EFR3B: variants seen among roughly 807,000 people sequenced by gnomAD.
The protein encoded by EFR3B is EFR3 homolog B.
A neutral mutation model predicts 104.7 loss-of-function variants in EFR3B; 64 were observed. The ratio of observed to expected loss-of-function variants is 0.61; its 90% CI spans 0.50 to 0.75. The LOEUF (loss-of-function observed/expected upper bound fraction) is 0.75, where lower values mean the gene tolerates loss of function less well. Among genes scored for constraint, EFR3B ranks in the 30% least tolerant of loss-of-function variants. The pLI, the probability that EFR3B is intolerant of heterozygous loss-of-function variation, is 0.00. For missense variants in EFR3B, 750 were observed against 1,078.5 expected (o/e 0.70, Z 4.27); for synonymous variants, 385 against 417.9 (o/e 0.92, Z 0.96).
intron 4 of EFR3B, among the ~76,000 whole-genome samples, chr2:25,113,820 G>T (rs532779258): frequency 6.6e-6 from 1 of 152,290 alleles, no homozygotes; most frequent in Admixed American, 6.5e-5. Context: ...TGTGACAGGT[G>T]AGGCAGGTAG....
Position 25,074,521 on chromosome 2 carries a change from C to T in EFR3B, c.8-16804C>T, listed in dbSNP as rs550348783. On this transcript the variant is annotated intron_variant, in intron 1 of 22. Coordinates refer to ENST00000403714, the MANE Select transcript of EFR3B (RefSeq NM_014971.2). The stretch of plus-strand genomic sequence containing the variant: ...CAGAGGTTGCAGTGAGCCAAGTTTG[C>T]GCCACTGCACTCCAGTCTGAGTGAC... Among the ~76,000 whole-genome samples the T allele has an allele frequency of 4.0e-5, 6 of 150,438 alleles. No individual in the cohort carries two copies. In the East Asian group the frequency reaches 8.0e-4, roughly 20 times the overall value.
intron 3 of EFR3B, among the ~76,000 whole-genome samples, chr2:25,100,822 C>T (rs13421697): frequency 3.3e-3 from 504 of 152,264 alleles, no homozygotes; most frequent in African/African-American, 0.012. Context: ...TCAGGAGGTA[C>T]TTTTCTATTC....
In EFR3B at chr2:25,103,638, T is replaced by G; in HGVS notation, c.214T>G (p.Tyr72Asp). The G allele has an allele frequency of 6.5e-7, 1 of 1,549,482 alleles. No homozygotes were observed. Among genetic ancestry groups the G allele is most frequent in the Non-Finnish European group, 8.7e-7 (1 of 1,145,448 alleles). ...IRDVGRHRYG[Y>D]VCIAMEALDQ... ...GACGGCATGTGCTGCCCTCCCCAGG[T>G]ACGTGTGCATTGCTATGGAGGCTTT... The change falls in exon 4 of 23, where the codon TAC (tyrosine) becomes GAC (aspartate). Residue 72 changes from tyrosine to aspartate, a missense_variant and splice_region_variant. Coordinates refer to ENST00000403714, the MANE Select transcript of EFR3B (RefSeq NM_014971.2).
chr2:25,053,532 G>A (rs529516005), intron 1 of EFR3B, among the ~76,000 whole-genome samples: 1 of 152,320 alleles, frequency 6.6e-6, no homozygotes, highest in South Asian at 2.1e-4. Flanking sequence ...GTCAGTGCTT[G>A]GCCTGGAGAA....
chr2:25,080,654 C>CTGTATTTCCTTTCAGGCCAA (rs1481445508), intron 1 of EFR3B: 29 of 633,170 alleles, frequency 4.6e-5, no homozygotes, highest in Non-Finnish European at 6.7e-5. Flanking sequence ...ACTAGACAGT[C>CTGTATTTCCTTTCAGGCCAA]TGTATTTCCT....
In EFR3B at chr2:25,131,848, G is replaced by A. The variant is rs926688402; in HGVS notation, c.1084G>A (p.Gly362Ser). 26 of 1,549,598 alleles carry A rather than the reference G, an allele frequency of 1.7e-5. No homozygotes were observed. The highest frequency in any genetic ancestry group is 3.9e-5 in the Admixed American group (2 of 50,648). The stretch of plus-strand genomic sequence containing the variant: ...GAGCTACGACGGGGCGGTCAGCCTC[G>A]GCACCAAGATCATCAAGGAGCACGA... The part of the protein sequence containing the change: ...TGSYDGAVSL[G>S]TKIIKEHEER... Residue 362 changes from glycine (G) to serine (S), a missense_variant, in exon 10 of 23, where the codon GGC becomes AGC. Physicochemically the swap from Gly to Ser is moderately conservative, Grantham distance 56. Transcript: ENST00000403714. The surrounding 1 kb of genome is among the most constrained non-coding windows in gnomAD (Gnocchi z 7.6).
intron 3 of EFR3B, among the ~76,000 whole-genome samples, chr2:25,096,677 C>T (rs988382197): frequency 9.8e-5 from 15 of 152,310 alleles, no homozygotes; most frequent in Middle Eastern, 3.4e-3. Context: ...CTGGTGTTCT[C>T]TCTCACTTTG....
chr2:25,144,906 G>A, intron 18 of EFR3B, 54 bp from the exon 19 acceptor site: 1 of 1,511,262 alleles, frequency 6.6e-7, no homozygotes, highest in Non-Finnish European at 9.0e-7. Flanking sequence ...TAGCAGCTCA[G>A]TCCTGGATCT....
chr2:25,137,333 G>A lies in EFR3B; in HGVS notation c.1561-8G>A. 2 of 1,552,062 alleles carry A rather than the reference G, an allele frequency of 1.3e-6. No homozygotes were observed. Among genetic ancestry groups the A allele is most frequent in the South Asian group, 1.2e-5 (1 of 84,042 alleles). On this transcript the variant is annotated splice_polypyrimidine_tract_variant and splice_region_variant and intron_variant, in intron 14 of 22. Transcript: ENST00000403714. This position sits in a 1 kb window ranked among gnomAD's most constrained non-coding sequence, Gnocchi z 4.7. ...CGACCCTGGCCTTCTGCCCGCTCCT[G>A]TCCCCAGCACTCCCAGCAGCTCTAC...
At chr2:25,152,355 C>A (rs1363412019) in intron 21 of EFR3B, among the ~76,000 whole-genome samples, 1 of 152,200 alleles carries the variant, frequency 6.6e-6, no homozygotes, top group African/African-American at 2.4e-5. Context: ...TCACTGTGGT[C>A]CTGACAGCAG....
intron 3 of EFR3B, 71 bp from the exon 4 acceptor site, chr2:25,103,566 C>T (rs1669481037): frequency 2.0e-6 from 3 of 1,506,984 alleles, no homozygotes; most frequent in East Asian, 5.0e-5. Flanking sequence ...CACACTGACA[C>T]CTTGCATGCC....
chr2:25,048,382 G>A (rs1173703611), intron 1 of EFR3B, among the ~76,000 whole-genome samples: 10 of 152,088 alleles, frequency 6.6e-5, no homozygotes, highest in Admixed American at 4.6e-4. Context: ...CCACAAGTTA[G>A]TAAACTCCTT....
At chr2:25,090,009 C>T (rs1253353608) in intron 1 of EFR3B, among the ~76,000 whole-genome samples, 2 of 151,330 alleles carry the variant, frequency 1.3e-5, no homozygotes, top group Non-Finnish European at 3.0e-5. Flanking sequence ...CCCCATCCCC[C>T]TCCCAATCAA....
chr2:25,148,192 C>T (rs978726729), intron 19 of EFR3B, among the ~76,000 whole-genome samples: 7 of 151,738 alleles, frequency 4.6e-5, no homozygotes, highest in African/African-American at 1.7e-4. Flanking sequence ...TTTATAGGCT[C>T]TGCAGAGGAC....
At chr2:25,133,344 A>G (rs953908103) in intron 11 of EFR3B, 39 bp from the exon 12 acceptor site, 9 of 1,548,518 alleles carry the variant, frequency 5.8e-6, no homozygotes, top group Middle Eastern at 1.7e-4. Context: ...CCTCTGCCCT[A>G]TTACCATCCT....
At chr2:25,080,979 A>T in intron 1 of EFR3B, 1 of 756,714 alleles carries the variant, frequency 1.3e-6, no homozygotes, top group South Asian at 1.4e-5. Context: ...GCCTTCTACA[A>T]TATCAACAGG....
intron 11 of EFR3B, 61 bp downstream of exon 11, chr2:25,133,075 C>T: frequency 1.4e-6 from 2 of 1,435,760 alleles, no homozygotes; most frequent in Non-Finnish European, 9.6e-7. Context: ...TTTTCTGACC[C>T]CCTCCTTTAT....
Position 25,131,927 on chromosome 2 carries a change from G to C in EFR3B, c.1147+16G>C, listed in dbSNP as rs1297963811. 19 of 1,480,830 alleles carry C rather than the reference G, an allele frequency of 1.3e-5. No homozygotes were observed. In the Admixed American group the frequency reaches 4.5e-4, roughly 35 times the overall value. The allele number at this position is 1,480,830 out of a possible 1,614,324, so 91.7% of individuals were successfully genotyped here. ...AAGACCGTGGGTGCGGCGCGGGGCCGGGCCGGGGCGGGGCGGGGCCGAGGC... is the reference window on the plus strand; with the variant it reads ...AAGACCGTGGGTGCGGCGCGGGGCCCGGCCGGGGCGGGGCGGGGCCGAGGC... On this transcript the variant is annotated intron_variant, in intron 10 of 22. Coordinates refer to ENST00000403714, the MANE Select transcript of EFR3B (RefSeq NM_014971.2). The surrounding 1 kb of genome is among the most constrained non-coding windows in gnomAD (Gnocchi z 7.6).
chr2:25,077,655 G>T (rs565337005), intron 1 of EFR3B, among the ~76,000 whole-genome samples: 1 of 152,146 alleles, frequency 6.6e-6, no homozygotes, highest in Non-Finnish European at 1.5e-5. Context: ...ACACTATCCT[G>T]TAGGATCCCA....
Sources: allele counts gnomAD v4.1 joint callset (sites outside exome capture counted in the v4.1 genomes callset), GRCh38; gene constraint gnomAD v4.1.1; non-coding constraint Gnocchi (gnomAD v3.1); transcripts MANE v1.5; gene names NCBI Gene and HGNC (gene_info 2026-07-23, HGNC 2026-07-21).